FAM81A: variants seen among roughly 807,000 people sequenced by gnomAD.
The protein encoded by FAM81A is protein FAM81A.
Under a neutral mutation model 46.7 loss-of-function variants are expected in FAM81A, and 19 were observed. The observed-to-expected ratio is 0.41, with a 90% confidence interval of 0.28 to 0.60. The LOEUF (loss-of-function observed/expected upper bound fraction) is 0.60. Ranked by LOEUF, FAM81A falls within the 20% of genes least tolerant of loss-of-function variation. FAM81A has a pLI of 0.34. For synonymous variants in FAM81A, 183 were observed against 152.9 expected (o/e 1.20, Z -1.45); for missense variants, 377 against 453.5 (o/e 0.83, Z 1.53).
chr15:59,434,917 C>T (rs1212861270), upstream of FAM81A, among the ~76,000 whole-genome samples: 2 of 152,208 alleles, frequency 1.3e-5, no homozygotes, highest in African/African-American at 2.4e-5. Flanking sequence ...TTATAGATGT[C>T]GTGTGTATCT....
chr15:59,474,458 A>G (rs1223598422), intron 3 of FAM81A, among the ~76,000 whole-genome samples: 1 of 152,174 alleles, frequency 6.6e-6, no homozygotes, highest in Non-Finnish European at 1.5e-5. Context: ...GTGTCCTCAC[A>G]TTGCAAAAGG....
chr15:59,516,353 CTCCTG>C (rs1202168889), intron 7 of FAM81A, among the ~76,000 whole-genome samples: 3 of 152,148 alleles, frequency 2.0e-5, no homozygotes, highest in Admixed American at 6.5e-5. Flanking sequence ...TTGTCTCGAA[CTCCTG>C]ACCTCAAGTG....
At chr15:59,416,335 A>G (rs2141545689) in intron 2 of FAM81A, among the ~76,000 whole-genome samples, 1 of 152,350 alleles carries the variant, frequency 6.6e-6, no homozygotes, top group Non-Finnish European at 1.5e-5. Flanking sequence ...TTGTCTCGCC[A>G]AAGGATGGAG....
At position 59,514,113 on chromosome 15, in the gene FAM81A, C is replaced by G. The variant is rs112231976; in HGVS notation, c.651-176C>G. ...CAAGGGAGAGCATCAGGAAAAATAG[C>G]TAATAGATGCAGGGCTTAATACCTA... On this transcript the variant is annotated intron_variant, in intron 6 of 8. Coordinates refer to ENST00000288228, the MANE Select transcript of FAM81A (RefSeq NM_152450.3). Among the ~76,000 whole-genome samples, 1,158 of 152,170 alleles carry G rather than the reference C, an allele frequency of 7.6e-3. 7 individuals carry two copies. Among genetic ancestry groups the G allele is most frequent in the South Asian group, 0.012 (56 of 4,824 alleles).
intron 2 of FAM81A, among the ~76,000 whole-genome samples, chr15:59,411,002 G>A (rs767733630): frequency 9.2e-5 from 14 of 152,086 alleles, no homozygotes; most frequent in South Asian, 4.2e-4. Flanking sequence ...CTTTTGCCTC[G>A]GCCTCCCAAA....
At chr15:59,414,110 C>G (rs4272980) in intron 2 of FAM81A, among the ~76,000 whole-genome samples, 8 of 152,050 alleles carry the variant, frequency 5.3e-5, no homozygotes, top group African/African-American at 1.5e-4. Context: ...GCCATCACCA[C>G]GCCCAGCTAA....
intron 2 of FAM81A, among the ~76,000 whole-genome samples, chr15:59,433,020 T>C (rs1290114452): frequency 2.0e-5 from 3 of 150,232 alleles, no homozygotes; most frequent in African/African-American, 7.4e-5. Flanking sequence ...TGGGTGCCTG[T>C]AGTCCCAGCT....
At chr15:59,461,108 AAT>A (rs1314157131) in intron 3 of FAM81A, among the ~76,000 whole-genome samples, 3 of 152,216 alleles carry the variant, frequency 2.0e-5, no homozygotes, top group African/African-American at 4.8e-5. Context: ...AACACAATTC[AAT>A]TTTAGGACAC....
intron 4 of FAM81A, among the ~76,000 whole-genome samples, chr15:59,497,095 G>T (rs1444107344): frequency 7.3e-5 from 11 of 151,316 alleles, no homozygotes; most frequent in Admixed American, 7.3e-4. Flanking sequence ...CTCCAGCCTG[G>T]GTGACAGAGC....
At chr15:59,401,209 T>C (rs561573641) in intron 1 of FAM81A, 119 of 905,652 alleles carry the variant, frequency 1.3e-4, no homozygotes, top group South Asian at 3.5e-4. Context: ...TAATTATATA[T>C]GAAATTGCTG....
At chr15:59,449,781 CAAAAAAAA>C (rs71119473) in intron 1 of FAM81A, among the ~76,000 whole-genome samples, 2 of 70,314 alleles carry the variant, frequency 2.8e-5, no homozygotes, top group South Asian at 5.4e-4. Context: ...GACTCTGTCT[CAAAAAAAA>C]AAAAAAAAAA....
chr15:59,439,535 G>A (rs1335069177), intron 1 of FAM81A, among the ~76,000 whole-genome samples: 2 of 152,114 alleles, frequency 1.3e-5, no homozygotes, highest in Non-Finnish European at 2.9e-5. Context: ...AATGGAGGAC[G>A]TACCCTCTCA....
At chr15:59,448,854 G>C (rs2081380308) in intron 1 of FAM81A, among the ~76,000 whole-genome samples, 1 of 151,986 alleles carries the variant, frequency 6.6e-6, no homozygotes, top group African/African-American at 2.4e-5. Context: ...TGTAGAGACG[G>C]GGGCATTGCT....
intron 1 of FAM81A, among the ~76,000 whole-genome samples, chr15:59,442,645 AGAAAAG>A (rs1423401871): frequency 6.6e-6 from 1 of 151,346 alleles, no homozygotes; most frequent in Non-Finnish European, 1.5e-5. Flanking sequence ...AAAAAAGAAA[AGAAAAG>A]AAAAAGAAAA....
At chr15:59,428,590 C>A (rs1274595943) in intron 2 of FAM81A, among the ~76,000 whole-genome samples, 1 of 142,992 alleles carries the variant, frequency 7.0e-6, no homozygotes, top group Non-Finnish European at 1.5e-5. Flanking sequence ...CCTTGAGGTG[C>A]ATCTTCTACT....
At chr15:59,474,372 C>T (rs2081739380) in intron 3 of FAM81A, among the ~76,000 whole-genome samples, 1 of 152,184 alleles carries the variant, frequency 6.6e-6, no homozygotes, top group Non-Finnish European at 1.5e-5. Flanking sequence ...AAGGCACTGG[C>T]ATTTGGCATC....
chr15:59,499,678 G>T (rs1323819119), intron 4 of FAM81A, among the ~76,000 whole-genome samples: 3 of 152,002 alleles, frequency 2.0e-5, no homozygotes, highest in Non-Finnish European at 4.4e-5. Context: ...TTCTTGGTTG[G>T]ATGTAAGATT....
chr15:59,515,387 T>C (rs1346063301), intron 7 of FAM81A, among the ~76,000 whole-genome samples: 1 of 152,248 alleles, frequency 6.6e-6, no homozygotes, highest in Non-Finnish European at 1.5e-5. Context: ...CTGTTTCCTC[T>C]TGTTGGATAT....
chr15:59,456,195 G>T (rs947642271), intron 1 of FAM81A, among the ~76,000 whole-genome samples: 1 of 152,164 alleles, frequency 6.6e-6, no homozygotes, highest in East Asian at 1.9e-4. Context: ...GGCTGGCAGG[G>T]GTGGGAAGGG....
Sources: gnomAD v4.1 joint callset for allele counts (sites outside exome capture counted in the v4.1 genomes callset) on GRCh38, gnomAD v4.1.1 for gene constraint, MANE v1.5 for transcripts, NCBI Gene and HGNC (gene_info 2026-07-23, HGNC 2026-07-21) for gene names.